The following THSD7B variants were observed in gnomAD, a reference collection of about 807,000 sequenced individuals.
THSD7B encodes the protein thrombospondin type 1 domain containing 7B.
A neutral mutation model predicts 213.6 loss-of-function variants in THSD7B; 138 were observed. That is an observed-to-expected ratio of 0.65 (90% CI 0.56 to 0.74). The LOEUF (loss-of-function observed/expected upper bound fraction) is 0.74, where lower values mean the gene tolerates loss of function less well. Ranked by LOEUF, THSD7B falls within the 30% of genes least tolerant of loss-of-function variation. The pLI, the probability that THSD7B is intolerant of heterozygous loss-of-function variation, is 0.00. For synonymous variants in THSD7B, 742 were observed against 687.0 expected (o/e 1.08, Z -1.25); for missense variants, 1,931 against 1,991.5 (o/e 0.97, Z 0.58).
intron 1 of THSD7B, among the ~76,000 whole-genome samples, chr2:136,872,573 TTC>T (rs956278006): frequency 1.8e-3 from 267 of 148,890 alleles, no homozygotes; most frequent in African/African-American, 6.6e-3. Context: ...CTTTTCTTCT[TTC>T]TCTTTCTTTT....
At chr2:136,864,416 T>A (rs1241204477) in intron 1 of THSD7B, among the ~76,000 whole-genome samples, 1 of 152,232 alleles carries the variant, frequency 6.6e-6, no homozygotes, top group Non-Finnish European at 1.5e-5. Flanking sequence ...ATTTCTACCA[T>A]GCAAATACAA....
intron 12 of THSD7B, among the ~76,000 whole-genome samples, chr2:137,329,864 T>A (rs1441580142): frequency 6.6e-6 from 1 of 152,120 alleles, no homozygotes; most frequent in Non-Finnish European, 1.5e-5. Flanking sequence ...CTAGGGCACG[T>A]CAGAGACCTT....
intron 10 of THSD7B, among the ~76,000 whole-genome samples, chr2:137,245,204 A>G (rs1490564981): frequency 6.6e-6 from 1 of 152,204 alleles, no homozygotes; most frequent in Non-Finnish European, 1.5e-5. Context: ...ATTGGGGCAT[A>G]AGAGCATGGA....
chr2:137,376,715 G>T (rs1246198440), intron 12 of THSD7B, among the ~76,000 whole-genome samples: 1 of 152,198 alleles, frequency 6.6e-6, no homozygotes, highest in African/African-American at 2.4e-5. Context: ...GCAATAGTCT[G>T]TAGAATGAAG....
intron 5 of THSD7B, among the ~76,000 whole-genome samples, chr2:137,139,221 G>A (rs1679532352): frequency 6.6e-6 from 1 of 152,138 alleles, no homozygotes; most frequent in Non-Finnish European, 1.5e-5. Flanking sequence ...ACATGTTACT[G>A]CTGATTGAGG....
intron 14 of THSD7B, among the ~76,000 whole-genome samples, chr2:137,417,754 C>G (rs999927542): frequency 6.6e-6 from 1 of 152,136 alleles, no homozygotes; most frequent in African/African-American, 2.4e-5. Context: ...TTTATATATA[C>G]AGTGTCCTGG....
At chr2:137,429,441 TTATG>T (rs1166557533) in intron 14 of THSD7B, among the ~76,000 whole-genome samples, 16 of 152,344 alleles carry the variant, frequency 1.1e-4, no homozygotes, top group South Asian at 2.1e-4. Context: ...CACGTATTAT[TTATG>T]TGTGTGTATA....
chr2:137,139,546 A>G (rs1416302143), intron 5 of THSD7B, among the ~76,000 whole-genome samples: 1 of 152,156 alleles, frequency 6.6e-6, no homozygotes, highest in Non-Finnish European at 1.5e-5. Flanking sequence ...ACATGGTACT[A>G]AGAGGATTTT....
At chr2:137,397,649 T>C (rs1353652848) in intron 12 of THSD7B, among the ~76,000 whole-genome samples, 1 of 150,954 alleles carries the variant, frequency 6.6e-6, no homozygotes, top group Non-Finnish European at 1.5e-5. Context: ...TGTCTTGGAG[T>C]TGCTCTTCTC....
intron 15 of THSD7B, among the ~76,000 whole-genome samples, chr2:137,522,263 A>T (rs1206090265): frequency 6.6e-6 from 1 of 152,170 alleles, no homozygotes; most frequent in Admixed American, 6.5e-5. Flanking sequence ...TTCCAGAGGG[A>T]TAGTGTAGAA....
intron 2 of THSD7B, among the ~76,000 whole-genome samples, chr2:136,974,971 TG>T (rs1685456896): frequency 6.6e-6 from 1 of 152,180 alleles, no homozygotes; most frequent in South Asian, 2.1e-4. Flanking sequence ...TTTTTTCATA[TG>T]TTTTTTGGCC....
chr2:137,055,457 T>G (rs2104875729), intron 2 of THSD7B, among the ~76,000 whole-genome samples: 1 of 152,346 alleles, frequency 6.6e-6, no homozygotes, highest in Non-Finnish European at 1.5e-5. Flanking sequence ...AACTATTTTT[T>G]TCATTGTTGT....
intron 15 of THSD7B, among the ~76,000 whole-genome samples, chr2:137,470,910 C>CTT (rs70978226): frequency 1.7e-5 from 2 of 119,820 alleles, no homozygotes; most frequent in African/African-American, 3.1e-5. Context: ...TTTTTCTTTA[C>CTT]TTTTTTTTTT....
intron 16 of THSD7B, among the ~76,000 whole-genome samples, chr2:137,571,073 G>A (rs1039655359): frequency 2.6e-5 from 4 of 152,096 alleles, no homozygotes; most frequent in African/African-American, 9.7e-5. Context: ...CCAGCCCAGA[G>A]GTCAAGAAAC....
At position 137,189,105 on chromosome 2, in the gene THSD7B, A is replaced by G. The variant is rs574828481; in HGVS notation, c.1723+18167A>G. On this transcript the variant is annotated intron_variant, in intron 7 of 27. Coordinates refer to ENST00000409968, the MANE Select transcript of THSD7B (RefSeq NM_001316349.2). ...GCCACATTCTCTTCTCTGGCAGCCA[A>G]TTCCCATCTCATCTTCCTTCCTTCA... 3.9e-5 allele frequency among the ~76,000 whole-genome samples: 6 copies of G among 152,062 alleles called. No individual in the cohort carries two copies. In the East Asian group the frequency reaches 9.7e-4, roughly 25 times the overall value.
chr2:137,538,376 G>T (rs899460813), intron 15 of THSD7B: 4 of 439,170 alleles, frequency 9.1e-6, no homozygotes, highest in Non-Finnish European at 1.8e-5. Flanking sequence ...ATGATCAGGG[G>T]AAAGGATTTC....
chr2:137,290,770 A>G (rs11688662), intron 12 of THSD7B, among the ~76,000 whole-genome samples: 15,439 of 152,140 alleles, frequency 0.1, 957 homozygotes, highest in Non-Finnish European at 0.14. Context: ...TGAGTTTTCA[A>G]TCTTAATGAG....
chr2:136,877,806 G>C (rs1478280032), intron 1 of THSD7B, among the ~76,000 whole-genome samples: 1 of 152,112 alleles, frequency 6.6e-6, no homozygotes, highest in East Asian at 1.9e-4. Flanking sequence ...CAGTGCTTGG[G>C]AGCAGGGCAA....
intron 7 of THSD7B, among the ~76,000 whole-genome samples, chr2:137,196,415 T>C (rs1680764312): frequency 7.7e-6 from 1 of 130,386 alleles, no homozygotes; most frequent in African/African-American, 2.9e-5. Context: ...TGGCTGCCGT[T>C]TCGCAGCTAA....
Sources: gnomAD v4.1 joint callset for allele counts (sites outside exome capture counted in the v4.1 genomes callset) on GRCh38, gnomAD v4.1.1 for gene constraint, MANE v1.5 for transcripts, NCBI Gene and HGNC (gene_info 2026-07-23, HGNC 2026-07-21) for gene names.